LINGO2: variants seen among roughly 807,000 people sequenced by gnomAD.
The protein encoded by LINGO2 is leucine rich repeat and Ig domain containing 2, also known as leucine-rich repeat and immunoglobulin-like domain-containing nogo receptor-interacting protein 2.
In LINGO2, 14 loss-of-function variants were observed where a neutral mutation model predicts 30.6. The ratio of observed to expected loss-of-function variants is 0.46; its 90% confidence interval spans 0.30 to 0.72. The LOEUF is 0.72. Among genes scored for constraint, LINGO2 ranks in the 30% least tolerant of loss-of-function variants. LINGO2 has a pLI of 0.07. For missense variants in LINGO2, 729 were observed against 751.7 expected (o/e 0.97, Z 0.35); for synonymous variants, 317 against 288.5 (o/e 1.10, Z -1.00).
At position 28,083,111 on chromosome 9, in the gene LINGO2, A is replaced by G. The variant is rs115182497; in HGVS notation, c.-86-70706T>C. Among the ~76,000 whole-genome samples the G allele has an allele frequency of 2.8e-3, 434 of 152,300 alleles. 1 individual carries two copies. The highest frequency in any genetic ancestry group is 9.8e-3 in the African/African-American group (406 of 41,572). ...TTCAATACCCACCTCTAAGAGTAGAATTATATGCTGAGACTCACATGCATT... is the reference window on the plus strand; with the variant it reads ...TTCAATACCCACCTCTAAGAGTAGAGTTATATGCTGAGACTCACATGCATT... On this transcript the variant is annotated intron_variant, in intron 4 of 5. Coordinates refer to ENST00000379992, the Ensembl canonical transcript of LINGO2.
chr9:28,082,358 A>G (rs773213437), intron 4 of LINGO2, among the ~76,000 whole-genome samples: 3 of 152,148 alleles, frequency 2.0e-5, no homozygotes, highest in Admixed American at 1.3e-4. Flanking sequence ...AATTTTCAAC[A>G]TGATTACAAA....
At chr9:28,145,373 A>G (rs1404428334) in intron 4 of LINGO2, among the ~76,000 whole-genome samples, 1 of 152,190 alleles carries the variant, frequency 6.6e-6, no homozygotes, top group Non-Finnish European at 1.5e-5. Flanking sequence ...ATTTTAGGCA[A>G]TTCTCTAATG....
intron 4 of LINGO2, among the ~76,000 whole-genome samples, chr9:28,015,199 GCT>G (rs1822765722): frequency 6.6e-6 from 1 of 152,144 alleles, no homozygotes; most frequent in African/African-American, 2.4e-5. Context: ...TTGGATAGGA[GCT>G]GGGATAACAA....
chr9:28,988,159 T>C, the LINGO2 span, among the ~76,000 whole-genome samples: 3 of 152,314 alleles, frequency 2.0e-5, no homozygotes, highest in East Asian at 5.8e-4. Flanking sequence ...TGCAATATAG[T>C]GTATCTCTCC....
chr9:28,612,113 G>A (rs1435116465), intron 1 of LINGO2, among the ~76,000 whole-genome samples: 1 of 152,100 alleles, frequency 6.6e-6, no homozygotes, highest in East Asian at 1.9e-4. Context: ...CTGTGAAAAA[G>A]TGCAATGGGG....
At chr9:28,420,780 A>G (rs540992048) in intron 2 of LINGO2, among the ~76,000 whole-genome samples, 1 of 152,104 alleles carries the variant, frequency 6.6e-6, no homozygotes, top group African/African-American at 2.4e-5. Flanking sequence ...AGGTTTGCAC[A>G]AAGTAAGATA....
chr9:28,023,108 A>G (rs1275952071), intron 4 of LINGO2, among the ~76,000 whole-genome samples: 1 of 152,162 alleles, frequency 6.6e-6, no homozygotes, highest in African/African-American at 2.4e-5. Flanking sequence ...CATATTAATC[A>G]GCTATTTTAA....
At chr9:29,002,736 G>A in the LINGO2 span, among the ~76,000 whole-genome samples, 1 of 152,052 alleles carries the variant, frequency 6.6e-6, no homozygotes, top group African/African-American at 2.4e-5. Flanking sequence ...CTCTGCTCAG[G>A]TACATTCTCT....
intron 4 of LINGO2, among the ~76,000 whole-genome samples, chr9:28,257,638 A>G (rs1822426511): frequency 6.6e-6 from 1 of 151,954 alleles, no homozygotes; most frequent in South Asian, 2.1e-4. Context: ...ACTTGAAGCT[A>G]CCTTGATCTC....
the LINGO2 span, among the ~76,000 whole-genome samples, chr9:29,037,399 T>C: frequency 5.3e-5 from 8 of 151,964 alleles, no homozygotes. Flanking sequence ...ATTGAAGTTT[T>C]AGTGGAACTT....
chr9:28,632,265 C>A (rs1826981386), intron 1 of LINGO2, among the ~76,000 whole-genome samples: 1 of 151,896 alleles, frequency 6.6e-6, no homozygotes, highest in South Asian at 2.1e-4. Flanking sequence ...AGAGAGCAAT[C>A]AAATATAAAA....
chr9:28,477,683 C>T (rs538990437), intron 1 of LINGO2, among the ~76,000 whole-genome samples: 3 of 152,124 alleles, frequency 2.0e-5, no homozygotes, highest in Non-Finnish European at 4.4e-5. Context: ...ATCATCTATC[C>T]CTTAGAATAT....
chr9:28,983,307 T>C, the LINGO2 span, among the ~76,000 whole-genome samples: 3 of 120,564 alleles, frequency 2.5e-5, no homozygotes, highest in African/African-American at 5.8e-5. Flanking sequence ...CCATTTATTA[T>C]ATGAGGTATC....
At chr9:27,980,437 G>A (rs1820800818) in intron 5 of LINGO2, among the ~76,000 whole-genome samples, 1 of 151,944 alleles carries the variant, frequency 6.6e-6, no homozygotes, top group African/African-American at 2.4e-5. Flanking sequence ...TGGCCATCAA[G>A]TATTACACAT....
chr9:28,094,219 T>C (rs964143705), intron 4 of LINGO2, among the ~76,000 whole-genome samples: 1 of 152,124 alleles, frequency 6.6e-6, no homozygotes, highest in African/African-American at 2.4e-5. Context: ...AAAGGAGGAA[T>C]AGTAACTTAA....
the LINGO2 span, among the ~76,000 whole-genome samples, chr9:29,192,098 C>T: frequency 6.6e-6 from 1 of 152,052 alleles, no homozygotes; most frequent in Non-Finnish European, 1.5e-5. Context: ...CCAACCTCTT[C>T]CCAGTTACAG....
intron 4 of LINGO2, among the ~76,000 whole-genome samples, chr9:28,042,168 T>A (rs1824225663): frequency 6.6e-6 from 1 of 152,196 alleles, no homozygotes; most frequent in Non-Finnish European, 1.5e-5. Flanking sequence ...AGGATCTACA[T>A]ATTATTTACT....
At chr9:28,039,828 G>T (rs894210617) in intron 4 of LINGO2, among the ~76,000 whole-genome samples, 1 of 152,086 alleles carries the variant, frequency 6.6e-6, no homozygotes, top group Non-Finnish European at 1.5e-5. Context: ...GTGGTGTTAG[G>T]CTTATGAGAA....
the LINGO2 span, among the ~76,000 whole-genome samples, chr9:29,035,140 GTAA>G: frequency 6.6e-6 from 1 of 152,018 alleles, no homozygotes; most frequent in Non-Finnish European, 1.5e-5. Flanking sequence ...ATATAAAAAA[GTAA>G]TAATTTGCTA....
Sources: gnomAD v4.1 joint callset for allele counts (sites outside exome capture counted in the v4.1 genomes callset) on GRCh38, gnomAD v4.1.1 for gene constraint, MANE v1.5 for transcripts, NCBI Gene and HGNC (gene_info 2026-07-23, HGNC 2026-07-21) for gene names.